The following IL10RB variants were observed in gnomAD, a reference collection of about 807,000 sequenced individuals.
The protein encoded by IL10RB is interleukin-10 receptor subunit beta.
IL10RB carries 30 observed loss-of-function variants against 38.7 expected under a neutral mutation model. The observed-to-expected ratio is 0.78, with a 90% CI of 0.58 to 1.05. IL10RB has a LOEUF of 1.05. Ranked by LOEUF, IL10RB falls within the 50% of genes least tolerant of loss-of-function variation. The probability of loss-of-function intolerance (pLI) is 0.00; values close to 1 mark genes in which losing one functional copy is unlikely to be tolerated. For missense variants in IL10RB, 328 were observed against 397.1 expected, an observed-to-expected ratio of 0.83 and a Z score of 1.48; for synonymous variants, 142 against 145.9, an observed-to-expected ratio of 0.97 and a Z score of 0.19.
At chr21:33,309,916 T>G (rs2083007941) in exon 2 of IL10RB, 1 of 152,202 alleles carries the variant, frequency 6.6e-6, no homozygotes, top group Non-Finnish European at 1.5e-5. Context: ...TAATCCCCAA[T>G]GTGACTGTAT....
At chr21:33,267,502 G>GTTTGTTT (rs1477718652) in intron 1 of IL10RB, among the ~76,000 whole-genome samples, 22 of 102,702 alleles carry the variant, frequency 2.1e-4, no homozygotes, top group Middle Eastern at 4.7e-3. Flanking sequence ...TTGTTTGTTT[G>GTTTGTTT]TTTTTTTGTT....
At chr21:33,305,306 CGCCATGTT>C (rs2082996441) in intron 1 of IL10RB, among the ~76,000 whole-genome samples, 1 of 152,026 alleles carries the variant, frequency 6.6e-6, no homozygotes, top group South Asian at 2.1e-4. Flanking sequence ...GACAGGGTTT[CGCCATGTT>C]GCCCAGGTAG....
chr21:33,296,574 T>G lies in IL10RB; in HGVS notation c.*217T>G. The G allele has an allele frequency of 1.5e-6, 1 of 677,502 alleles. No homozygotes were observed. Among genetic ancestry groups the G allele is most frequent in the Admixed American group, 2.0e-5 (1 of 49,136 alleles). The allele number at this position is 677,502 out of a possible 1,614,324, so 42.0% of individuals were successfully genotyped here. A position where few individuals can be genotyped will look rare whatever the true frequency, so the allele number is the denominator to read the frequency against. The stretch of plus-strand genomic sequence containing the variant: ...TGGGAACTCACTGCCTTATAAAGGC[T>G]TTCATGATGTTTTCAGAAGTTGGCC... On this transcript the variant is annotated 3_prime_UTR_variant, in exon 7 of 7. Transcript: ENST00000290200.
In IL10RB at chr21:33,292,420, T is replaced by G. The variant is rs575968222; in HGVS notation, c.805-3764T>G. Among the ~76,000 whole-genome samples the G allele has an allele frequency of 3.3e-5, 5 of 152,016 alleles. No individual in the cohort carries two copies. The South Asian group carries it at 1.0e-3, about 32-fold the overall frequency. On this transcript the variant is annotated intron_variant, in intron 6 of 6. Transcript: ENST00000290200. Reference sequence around the variant, plus strand: ...TACTTCTGCTAGGCATAATTACCCATCCCCCTTTATGGTCATCATGTGAGC... The same window carrying G: ...TACTTCTGCTAGGCATAATTACCCAGCCCCCTTTATGGTCATCATGTGAGC...
chr21:33,267,978 G>T, intron 1 of IL10RB: 1 of 321,022 alleles, frequency 3.1e-6, no homozygotes, highest in Non-Finnish European at 6.1e-6. Context: ...AATGGGACTC[G>T]TGAGTTCCCC....
chr21:33,266,384 G>A lies in IL10RB; in HGVS notation c.-82G>A. ...CCCCGCCCATCTCCGCTGGTTCCCG[G>A]AAGCCGCCGCGGACAAGCTCTCCCG... is the stretch of plus-strand genomic sequence containing the variant. On this transcript the variant is annotated 5_prime_UTR_variant, in exon 1 of 7. Transcript: ENST00000290200. 1 of 1,485,116 alleles carries A rather than the reference G, an allele frequency of 6.7e-7. No individual in the cohort carries two copies. The highest frequency in any genetic ancestry group is 9.0e-7 in the Non-Finnish European group (1 of 1,105,092). 92.0% of individuals were successfully genotyped at this position (1,485,116 alleles called of 1,614,324 possible).
chr21:33,267,977 C>T (rs775251585), intron 1 of IL10RB: 7 of 324,382 alleles, frequency 2.2e-5, no homozygotes, highest in African/African-American at 6.5e-5. Flanking sequence ...AAATGGGACT[C>T]GTGAGTTCCC....
chr21:33,309,161 TAGG>T (rs2083006003), exon 2 of IL10RB: 1 of 152,124 alleles, frequency 6.6e-6, no homozygotes, highest in Admixed American at 6.6e-5. Context: ...TGTTCATCAT[TAGG>T]AGATGTTGGC....
downstream of IL10RB, among the ~76,000 whole-genome samples, chr21:33,301,419 T>C (rs2082985665): frequency 6.6e-6 from 1 of 152,176 alleles, no homozygotes; most frequent in Non-Finnish European, 1.5e-5. Context: ...TTTATTGCTG[T>C]TGGATTGTGA....
intron 2 of IL10RB, among the ~76,000 whole-genome samples, chr21:33,275,867 A>T (rs879400038): frequency 6.6e-6 from 1 of 152,252 alleles, no homozygotes; most frequent in African/African-American, 2.4e-5. Context: ...GATTAATTTC[A>T]CTGTCTTATA....
chr21:33,273,992 A>G (rs1989126841), intron 2 of IL10RB, among the ~76,000 whole-genome samples: 1 of 152,176 alleles, frequency 6.6e-6, no homozygotes, highest in Non-Finnish European at 1.5e-5. Flanking sequence ...GAGGGTTGGA[A>G]TCAGCTTCTT....
chr21:33,305,327 C>T (rs912951290), intron 1 of IL10RB, among the ~76,000 whole-genome samples: 12 of 152,036 alleles, frequency 7.9e-5, no homozygotes, highest in Non-Finnish European at 1.5e-5. Context: ...CCAGGTAGGT[C>T]TCAAACTCCT....
At chr21:33,280,826 G>A (rs973219192) in intron 4 of IL10RB, among the ~76,000 whole-genome samples, 1 of 152,214 alleles carries the variant, frequency 6.6e-6, no homozygotes, top group Non-Finnish European at 1.5e-5. Flanking sequence ...TAGGAATGAT[G>A]TAGTTAAATT....
chr21:33,288,133 A>T lies in IL10RB; in HGVS notation c.676A>T (p.Ile226Phe). ...ETVPSWMVAV[I>F]LMASVFMVCL... ...GGTCCCCTCCTGGATGGTGGCCGTC[A>T]TCCTCATGGCCTCGGTCTTCATGGT... Residue 226 changes from isoleucine (I) to phenylalanine (F), a missense_variant, in exon 6 of 7, where the codon ATC becomes TTC. Physicochemically the swap from Ile to Phe is conservative, Grantham distance 21 (BLOSUM62 0). Transcript: ENST00000290200. 1 of 1,614,128 alleles carries T rather than the reference A, an allele frequency of 6.2e-7. No homozygotes were observed. The highest frequency in any genetic ancestry group is 1.1e-5 in the South Asian group (1 of 91,086).
intron 4 of IL10RB, among the ~76,000 whole-genome samples, chr21:33,282,624 G>C (rs780160786): frequency 6.6e-6 from 1 of 151,910 alleles, no homozygotes; most frequent in Non-Finnish European, 1.5e-5. Flanking sequence ...CTCTGTCACC[G>C]AGGCTGGAGT....
At chr21:33,268,772 A>G (rs1172436100) in intron 2 of IL10RB, among the ~76,000 whole-genome samples, 2 of 152,174 alleles carry the variant, frequency 1.3e-5, no homozygotes, top group African/African-American at 4.8e-5. Flanking sequence ...CAGACATTTT[A>G]TCATGCGTAT....
At chr21:33,272,098 G>A (rs1290039999) in intron 2 of IL10RB, among the ~76,000 whole-genome samples, 1 of 152,162 alleles carries the variant, frequency 6.6e-6, no homozygotes, top group Non-Finnish European at 1.5e-5. Flanking sequence ...AGAAATGGTT[G>A]ATTGACAAAT....
chr21:33,276,638 G>A lies in IL10RB; in HGVS notation c.216G>A (p.Thr72=), dbSNP rs1288950257. 21 of 1,612,742 alleles carry A rather than the reference G, an allele frequency of 1.3e-5. No homozygotes were observed. The highest frequency in any genetic ancestry group is 1.7e-5 in the Non-Finnish European group (20 of 1,178,848). ...ATAAATGCATGAATACTACCTTGACGGAATGTGATTTCTCAAGTCTTTCCA... is the reference window on the plus strand; with the variant it reads ...ATAAATGCATGAATACTACCTTGACAGAATGTGATTTCTCAAGTCTTTCCA... The part of the protein sequence containing the change: ...FQDKCMNTTL[T]ECDFSSLSKY... Residue 72 remains threonine (T), a synonymous_variant, in exon 3 of 7, where the codon ACG becomes ACA. Transcript: ENST00000290200.
intron 2 of IL10RB, among the ~76,000 whole-genome samples, chr21:33,271,526 C>T (rs764617293): frequency 6.6e-6 from 1 of 152,032 alleles, no homozygotes; most frequent in Non-Finnish European, 1.5e-5. Context: ...ATCAGGAGTT[C>T]GAGACCAGCC....
Sources: allele counts gnomAD v4.1 joint callset (sites outside exome capture counted in the v4.1 genomes callset), GRCh38; gene constraint gnomAD v4.1.1; transcripts MANE v1.5; gene names NCBI Gene and HGNC (gene_info 2026-07-23, HGNC 2026-07-21).